Variants in PRSS35 observed in about 807,000 individuals in gnomAD.
The protein encoded by PRSS35 is serine protease 35, also known as inactive serine protease 35.
A neutral mutation model predicts 8.1 loss-of-function variants in PRSS35; 7 were observed. The ratio of observed to expected loss-of-function variants is 0.86; its 90% CI spans 0.49 to 1.62. The LOEUF (loss-of-function observed/expected upper bound fraction) is 1.62, where lower values mean the gene tolerates loss of function less well. Among genes scored for constraint, PRSS35 ranks in the 40% most tolerant of loss-of-function variants. The pLI is 0.00. For missense variants in PRSS35, 566 were observed against 518.0 expected, an observed-to-expected ratio of 1.09 and a Z score of -0.90; for synonymous variants, 199 against 188.7, an observed-to-expected ratio of 1.05 and a Z score of -0.45.
chr6:83,524,744 C>A lies in PRSS35; in HGVS notation c.*61C>A, dbSNP rs1771906947. The A allele has an allele frequency of 4.7e-6, 7 of 1,481,014 alleles. No individual in the cohort carries two copies. Among genetic ancestry groups the A allele is most frequent in the South Asian group, 1.4e-5 (1 of 73,898 alleles). 91.7% of individuals were successfully genotyped at this position (1,481,014 alleles called of 1,614,324 possible). On this transcript the variant is annotated 3_prime_UTR_variant, in exon 2 of 2. Transcript: ENST00000369700. ...CACAGAGAAAACCAGCTCTGCTTAC[C>A]GTAGTGAGATCACTTCATAGGTTAT...
At position 83,524,183 on chromosome 6, in the gene PRSS35, T is replaced by C. The variant is rs973324121; in HGVS notation, c.742T>C (p.Ser248Pro). 6.2e-7 allele frequency: 1 copy of C among 1,613,978 alleles called. No individual in the cohort carries two copies. Among genetic ancestry groups the C allele is most frequent in the Non-Finnish European group, 8.5e-7 (1 of 1,180,028 alleles). ...TCAGAGGATTGCCGAAGGGAGGCCT[T>C]CCTTTCAGTGGACCCGGGTCAAGAA... ...RGQRIAEGRP[S>P]FQWTRVKNTH... The change falls in exon 2 of 2, where the codon TCC becomes CCC. Residue 248 changes from serine (S) to proline (P), a missense_variant. Transcript: ENST00000369700.
rs995677747 is a variant in PRSS35, at chr6:83,525,091, G to C, written c.*408G>C. The C allele has an allele frequency of 1.5e-4, 27 of 181,296 alleles. No individual in the cohort carries two copies. Among genetic ancestry groups the C allele is most frequent in the Admixed American group, 4.1e-4 (7 of 17,250 alleles). 11.2% of individuals were successfully genotyped at this position (181,296 alleles called of 1,614,324 possible). ...TAAATGTGAAATTGCATAGATAAAGGTAGATGGTAAAGCAATTAGTATCAG... is the reference window on the plus strand; with the variant it reads ...TAAATGTGAAATTGCATAGATAAAGCTAGATGGTAAAGCAATTAGTATCAG... On this transcript the variant is annotated 3_prime_UTR_variant, in exon 2 of 2. Coordinates refer to ENST00000369700, the MANE Select transcript of PRSS35 (RefSeq NM_153362.3).
intron 1 of PRSS35, among the ~76,000 whole-genome samples, chr6:83,513,426 G>A (rs1471641334): frequency 6.6e-6 from 1 of 152,234 alleles, no homozygotes; most frequent in Admixed American, 6.5e-5. Context: ...GAAGCTGCTT[G>A]CTGTGTCTAG....
intron 1 of PRSS35, among the ~76,000 whole-genome samples, chr6:83,519,481 G>A (rs1771782766): frequency 6.6e-6 from 1 of 150,960 alleles, no homozygotes; most frequent in Non-Finnish European, 1.5e-5. Flanking sequence ...CCCTTCAACT[G>A]GGACTGTGTC....
At chr6:83,518,754 A>C (rs1245892219) in intron 1 of PRSS35, among the ~76,000 whole-genome samples, 2 of 150,530 alleles carry the variant, frequency 1.3e-5, no homozygotes, top group Non-Finnish European at 3.0e-5. Flanking sequence ...CAAATTCACC[A>C]ATTAAGGTAG....
rs1771873081 is a variant in PRSS35 at position 83,523,877 on chromosome 6, A to G, written c.436A>G (p.Thr146Ala). 1 of 1,614,084 alleles carries G rather than the reference A, an allele frequency of 6.2e-7. No homozygotes were observed. Among genetic ancestry groups the G allele is most frequent in the Non-Finnish European group, 8.5e-7 (1 of 1,180,044 alleles). ...KRFLTNFPFSTAVKLSTGCSG... is the reference protein window; with the variant it reads ...KRFLTNFPFSAAVKLSTGCSG... ...GTTCTTAACCAATTTCCCTTTCAGC[A>G]CAGCTGTGAAGCTTTCCACGGGCTG... is the stretch of plus-strand genomic sequence containing the variant. Residue 146 changes from threonine (T) to alanine (A), a missense_variant, in exon 2 of 2, where the codon ACA (threonine) becomes GCA (alanine). By Grantham distance (58) the Thr-to-Ala change is moderately conservative. Coordinates refer to ENST00000369700, the MANE Select transcript of PRSS35 (RefSeq NM_153362.3).
At chr6:83,522,299 G>C (rs551704409) in intron 1 of PRSS35, among the ~76,000 whole-genome samples, 2 of 152,156 alleles carry the variant, frequency 1.3e-5, no homozygotes, top group East Asian at 3.9e-4. Flanking sequence ...GTTCAAAATT[G>C]CTGCTCCAGC....
intron 1 of PRSS35, among the ~76,000 whole-genome samples, chr6:83,516,061 C>T (rs938344261): frequency 1.3e-5 from 2 of 151,730 alleles, no homozygotes; most frequent in Non-Finnish European, 2.9e-5. Flanking sequence ...GTGATCCGCC[C>T]ACCTAGGCCT....
chr6:83,523,822 C>A lies in PRSS35; in HGVS notation c.381C>A (p.Thr127=), dbSNP rs1350158113. The change falls in exon 2 of 2, where the codon ACC becomes ACA. Residue 127 remains threonine (T), a synonymous_variant. Coordinates refer to ENST00000369700, the MANE Select transcript of PRSS35 (RefSeq NM_153362.3). ...SVRRKRQVYG[T]DSRFSILDKR... ...GGAGAAAGAGACAGGTGTATGGCACCGACAGCAGGTTCAGCATCTTGGACA... is the reference window on the plus strand; with the variant it reads ...GGAGAAAGAGACAGGTGTATGGCACAGACAGCAGGTTCAGCATCTTGGACA... The A allele has an allele frequency of 6.2e-7, 1 of 1,614,012 alleles. No homozygotes were observed.
At chr6:83,514,941 A>C (rs1771685040) in intron 1 of PRSS35, among the ~76,000 whole-genome samples, 1 of 152,206 alleles carries the variant, frequency 6.6e-6, no homozygotes, top group Admixed American at 6.5e-5. Flanking sequence ...TAGCCAGTTA[A>C]AAGTTTTGCC....
Position 83,524,091 on chromosome 6 carries a change from A to G in PRSS35, c.650A>G (p.Glu217Gly). The G allele has an allele frequency of 6.2e-7, 1 of 1,613,922 alleles. No homozygotes were observed. Among genetic ancestry groups the G allele is most frequent in the East Asian group, 2.2e-5 (1 of 44,864 alleles). ...RREASGGDQR[E>G]GTREHLRERA... ...GAAGCTAGTGGTGGTGACCAAAGAG[A>G]GGGTACCAGAGAGCATCTGCGGGAG... The change falls in exon 2 of 2, where the codon GAG becomes GGG. Residue 217 changes from glutamate to glycine, a missense_variant. By Grantham distance (98) the Glu-to-Gly change is moderately conservative. Transcript: ENST00000369700.
rs920209696 is a variant in PRSS35, at chr6:83,525,575, CAAGA to C, written c.*897_*900del. On this transcript the variant is annotated 3_prime_UTR_variant, in exon 2 of 2. Coordinates refer to ENST00000369700, the MANE Select transcript of PRSS35 (RefSeq NM_153362.3). ...GGACAAAGAATTCTGTAATCTTTTT[CAAGA>C]AAGAGTCTTTTTCTCCTTGACAAAA... is the stretch of plus-strand genomic sequence containing the variant. 1 of 167,012 alleles carries C rather than the reference CAAGA, an allele frequency of 6.0e-6. No individual in the cohort carries two copies. The highest frequency in any genetic ancestry group is 2.4e-5 in the African/African-American group (1 of 41,452). 10.3% of individuals were successfully genotyped at this position (167,012 alleles called of 1,614,324 possible). A position where few individuals can be genotyped will look rare whatever the true frequency, so the allele number is the denominator to read the frequency against.
At chr6:83,516,808 C>T (rs1050832363) in intron 1 of PRSS35, among the ~76,000 whole-genome samples, 1 of 152,124 alleles carries the variant, frequency 6.6e-6, no homozygotes, top group African/African-American at 2.4e-5. Context: ...ATCAGCTCTT[C>T]CCACTCTTAA....
chr6:83,517,520 T>G (rs1771745856), intron 1 of PRSS35, among the ~76,000 whole-genome samples: 1 of 152,224 alleles, frequency 6.6e-6, no homozygotes. Flanking sequence ...CTTTCTTTAG[T>G]GCTTGCTTTA....
intron 1 of PRSS35, among the ~76,000 whole-genome samples, chr6:83,518,842 T>G (rs1053783185): frequency 6.6e-6 from 1 of 152,230 alleles, no homozygotes; most frequent in African/African-American, 2.4e-5. Flanking sequence ...GTGTATCATC[T>G]CATTTAATCT....
At chr6:83,522,118 A>G (rs1428416700) in intron 1 of PRSS35, among the ~76,000 whole-genome samples, 1 of 152,192 alleles carries the variant, frequency 6.6e-6, no homozygotes, top group Non-Finnish European at 1.5e-5. Context: ...AAAGAAATAA[A>G]TAAAATAAAG....
chr6:83,515,762 G>A (rs756457264), intron 1 of PRSS35, among the ~76,000 whole-genome samples: 7 of 152,108 alleles, frequency 4.6e-5, no homozygotes, highest in Non-Finnish European at 1.0e-4. Context: ...GATTACAGGT[G>A]TGAGGCACCG....
rs1326556100 is a variant in PRSS35, at chr6:83,523,455, T to C, written c.14T>C (p.Leu5Pro). 3.1e-6 allele frequency: 5 copies of C among 1,609,806 alleles called. No homozygotes were observed. The Admixed American group carries it at 8.5e-5, about 27-fold the overall frequency. ...TAGAAGATCAAAATGGAAAATATGC[T>C]GCTTTGGTTGATATTTTTCACCCCT... The part of the protein sequence containing the change: MENM[L>P]LWLIFFTPGW... Residue 5 changes from leucine (L) to proline (P), a missense_variant, in exon 2 of 2, where the codon CTG (leucine) becomes CCG (proline). By Grantham distance (98) the Leu-to-Pro change is moderately conservative. Coordinates refer to ENST00000369700, the MANE Select transcript of PRSS35 (RefSeq NM_153362.3).
In PRSS35 at chr6:83,524,794, G is replaced by A. The variant is rs2127714406; in HGVS notation, c.*111G>A. 1 of 1,135,794 alleles carries A rather than the reference G, an allele frequency of 8.8e-7. No homozygotes were observed. Among genetic ancestry groups the A allele is most frequent in the Non-Finnish European group, 1.2e-6 (1 of 819,884 alleles). The allele number at this position is 1,135,794 out of a possible 1,614,324, so 70.4% of individuals were successfully genotyped here. A position where few individuals can be genotyped will look rare whatever the true frequency, so the allele number is the denominator to read the frequency against. On this transcript the variant is annotated 3_prime_UTR_variant, in exon 2 of 2. Transcript: ENST00000369700. ...TGCCTGGACTTGAACTCTGTCAATA[G>A]CATTTCAACATTTTTCAAAATCAGG...
Sources: allele counts gnomAD v4.1 joint callset (sites outside exome capture counted in the v4.1 genomes callset), GRCh38; gene constraint gnomAD v4.1.1; transcripts MANE v1.5; gene names NCBI Gene and HGNC (gene_info 2026-07-23, HGNC 2026-07-21).